Variants in FLNB observed in about 807,000 individuals in gnomAD.
FLNB encodes filamin-B.
Under a neutral mutation model 250.6 loss-of-function variants are expected in FLNB, and 111 were observed. The ratio of observed to expected loss-of-function variants is 0.44; its 90% CI spans 0.38 to 0.52. The LOEUF (loss-of-function observed/expected upper bound fraction) is 0.52. Ranked by LOEUF, FLNB falls within the 20% of genes least tolerant of loss-of-function variation. The pLI, the probability that FLNB is intolerant of heterozygous loss-of-function variation, is 0.00. For missense variants in FLNB, 2,869 were observed against 3,447.8 expected, an observed-to-expected ratio of 0.83 and a Z score of 4.20; for synonymous variants, 1,302 against 1,372.1, an observed-to-expected ratio of 0.95 and a Z score of 1.13.
intron 12 of FLNB, among the ~76,000 whole-genome samples, chr3:58,107,894 G>A (rs1404884450): frequency 6.6e-6 from 1 of 152,192 alleles, no homozygotes; most frequent in Non-Finnish European, 1.5e-5. Context: ...AAGATTCTGA[G>A]TCCCCTCAAA....
intron 4 of FLNB, among the ~76,000 whole-genome samples, chr3:58,087,756 T>C (rs1041797373): frequency 1.3e-5 from 2 of 151,952 alleles, no homozygotes; most frequent in African/African-American, 4.8e-5. Flanking sequence ...AGCCTTTTTT[T>C]TGAGACAGAG....
intron 1 of FLNB, among the ~76,000 whole-genome samples, chr3:58,021,162 T>C (rs1179888656): frequency 6.6e-6 from 1 of 152,224 alleles, no homozygotes; most frequent in African/African-American, 2.4e-5. Flanking sequence ...CAGCCTATTG[T>C]GGGAGCAGGG....
At chr3:58,146,659 T>C (rs111795009) in intron 33 of FLNB, 161 bp from the exon 34 acceptor site, 17 of 717,900 alleles carry the variant, frequency 2.4e-5, no homozygotes, top group Middle Eastern at 3.6e-4. Context: ...CTGCGTGGAC[T>C]GCTTCATTCT....
intron 1 of FLNB, among the ~76,000 whole-genome samples, chr3:58,051,963 T>C (rs745814875): frequency 1.1e-4 from 17 of 152,134 alleles, no homozygotes; most frequent in Non-Finnish European, 2.2e-4. Flanking sequence ...CTCGGCTCAC[T>C]GCAACCTCTG....
At chr3:58,019,567 A>G (rs1393082043) in intron 1 of FLNB, among the ~76,000 whole-genome samples, 3 of 152,224 alleles carry the variant, frequency 2.0e-5, no homozygotes, top group Non-Finnish European at 4.4e-5. Flanking sequence ...CCCTGCCTGC[A>G]TCATGCTGTA....
Position 58,121,351 on chromosome 3 carries a change from C to G in FLNB, c.2974C>G (p.Leu992Val), listed in dbSNP as rs2107167346. 1 of 1,614,188 alleles carries G rather than the reference C, an allele frequency of 6.2e-7. No homozygotes were observed. Residue 992 changes from leucine to valine, a missense_variant, in exon 20 of 46, where the codon CTA (leucine) becomes GTA (valine). By Grantham distance (32) the Leu-to-Val change is conservative. Around this residue, in one of 5 missense-constraint regions of FLNB, gnomAD observed 1,348 missense variants for 1,466.7 expected, o/e 0.92. Transcript: ENST00000295956. Reference sequence around the variant, plus strand: ...CCCCTCTCGGAAGGTCGTGCCATGCCTAGTGACACCTGTGACAGGCCGGGA... The same window carrying G: ...CCCCTCTCGGAAGGTCGTGCCATGCGTAGTGACACCTGTGACAGGCCGGGA... ...LSPSRKVVPCLVTPVTGRENS... is the reference protein window; with the variant it reads ...LSPSRKVVPCVVTPVTGRENS...
Position 58,163,217 on chromosome 3 carries a change from A to G in FLNB, c.7085A>G (p.Asn2362Ser), listed in dbSNP as rs1346245193. The G allele has an allele frequency of 5.6e-6, 9 of 1,614,188 alleles. No homozygotes were observed. Among genetic ancestry groups the G allele is most frequent in the African/African-American group, 4.0e-5 (3 of 75,062 alleles). ...NGVHTIDVKF[N>S]GSHVVGSPFK... The stretch of plus-strand genomic sequence containing the variant: ...GTCCACACCATCGATGTCAAGTTCA[A>G]TGGGAGCCACGTGGTTGGAAGCCCC... The change falls in exon 43 of 46, where the codon AAT (asparagine) becomes AGT (serine). Residue 2362 changes from asparagine to serine, a missense_variant. Physicochemically the swap from Asn to Ser is conservative, Grantham distance 46 (BLOSUM62 1). Around this residue, in one of 5 missense-constraint regions of FLNB, gnomAD observed 1,084 missense variants for 1,315.5 expected, o/e 0.82. Transcript: ENST00000295956.
chr3:58,125,090 T>C (rs906906381), intron 22 of FLNB, among the ~76,000 whole-genome samples: 2 of 152,084 alleles, frequency 1.3e-5, no homozygotes, highest in Non-Finnish European at 2.9e-5. Flanking sequence ...AGATAGACGG[T>C]TTGTATTATT....
chr3:58,014,619 T>C (rs1364772084), intron 1 of FLNB, among the ~76,000 whole-genome samples: 1 of 152,238 alleles, frequency 6.6e-6, no homozygotes, highest in Admixed American at 6.5e-5. Context: ...GGCTGCTGGC[T>C]TAGTTGAGGA....
intron 1 of FLNB, among the ~76,000 whole-genome samples, chr3:58,049,029 A>T (rs532505543): frequency 6.6e-6 from 1 of 152,326 alleles, no homozygotes; most frequent in African/African-American, 2.4e-5. Flanking sequence ...ACTGTGTTTC[A>T]CTGTGTATTG....
chr3:58,033,306 C>T (rs1314566032), intron 1 of FLNB, among the ~76,000 whole-genome samples: 1 of 152,098 alleles, frequency 6.6e-6, no homozygotes, highest in Non-Finnish European at 1.5e-5. Context: ...CACACCCATG[C>T]TCAAGCATTC....
intron 1 of FLNB, among the ~76,000 whole-genome samples, chr3:58,023,496 G>C (rs930009483): frequency 2.0e-5 from 3 of 152,194 alleles, no homozygotes; most frequent in Admixed American, 1.3e-4. Flanking sequence ...AAAATCACCT[G>C]TGAAGAATTT....
In FLNB at chr3:58,107,546, T is replaced by C. The variant is rs530240748; in HGVS notation, c.1941+673T>C. On this transcript the variant is annotated intron_variant, in intron 12 of 45. Transcript: ENST00000295956. Reference sequence around the variant, plus strand: ...ATGCAGGGAGCTCCATAAGCTGTTATTTTCTTGCAACTCCGGGGATCATAT... The same window carrying C: ...ATGCAGGGAGCTCCATAAGCTGTTACTTTCTTGCAACTCCGGGGATCATAT... Among the ~76,000 whole-genome samples the C allele has an allele frequency of 1.8e-4, 28 of 152,358 alleles. No homozygotes were observed. The South Asian group carries it at 5.6e-3, about 30-fold the overall frequency.
intron 1 of FLNB, among the ~76,000 whole-genome samples, chr3:58,029,129 AATGATCC>A (rs1201640012): frequency 6.6e-6 from 1 of 151,924 alleles, no homozygotes; most frequent in East Asian, 1.9e-4. Flanking sequence ...GTGTTATGAC[AATGATCC>A]ATCTTAACCC....
chr3:58,121,429 G>A lies in FLNB; in HGVS notation c.3052G>A (p.Val1018Met), dbSNP rs2276742. 2.6e-4 allele frequency: 414 copies of A among 1,614,128 alleles called. 1 individual carries two copies. The East Asian group carries it at 4.8e-3, about 19-fold the overall frequency. The change falls in exon 20 of 46, where the codon GTG (valine) becomes ATG (methionine). Residue 1018 changes from valine to methionine, a missense_variant. Physicochemically the swap from Val to Met is conservative, Grantham distance 21. Transcript: ENST00000295956. Reference sequence around the variant, plus strand: ...GGAGGAGGGGCTGTATGCTGTAGACGTGACCTACGATGGACACCCTGTGCC... The same window carrying A: ...GGAGGAGGGGCTGTATGCTGTAGACATGACCTACGATGGACACCCTGTGCC... ...PREEGLYAVD[V>M]TYDGHPVPGS...
At chr3:58,038,727 C>T (rs187685342) in intron 1 of FLNB, among the ~76,000 whole-genome samples, 12 of 152,158 alleles carry the variant, frequency 7.9e-5, no homozygotes, top group African/African-American at 2.2e-4. Context: ...TGTGCCTGGC[C>T]GGATTTTAAA....
chr3:58,075,765 A>G (rs1330674565), intron 1 of FLNB, among the ~76,000 whole-genome samples: 1 of 152,318 alleles, frequency 6.6e-6, no homozygotes, highest in Non-Finnish European at 1.5e-5. Flanking sequence ...TGTGGAAACT[A>G]TACCCAGAGT....
chr3:58,130,441 G>A (rs2097305148), intron 24 of FLNB, among the ~76,000 whole-genome samples: 1 of 152,154 alleles, frequency 6.6e-6, no homozygotes, highest in South Asian at 2.1e-4. Flanking sequence ...CCCCAAATAT[G>A]TTATGTAGGA....
At chr3:58,060,823 G>GAA (rs1470793935) in intron 1 of FLNB, among the ~76,000 whole-genome samples, 1 of 113,052 alleles carries the variant, frequency 8.8e-6, no homozygotes, top group South Asian at 3.0e-4. Context: ...GAAAAGAAAA[G>GAA]AAAAGAAAAA....
Sources: gnomAD v4.1 joint callset for allele counts (sites outside exome capture counted in the v4.1 genomes callset) on GRCh38, gnomAD v4.1.1 for gene constraint, gnomAD v4.1.1 regional missense constraint, MANE v1.5 for transcripts, NCBI Gene and HGNC (gene_info 2026-07-23, HGNC 2026-07-21) for gene names.